Variants in MDGA2 observed in about 807,000 individuals in gnomAD.
MDGA2 encodes the protein MAM domain-containing glycosylphosphatidylinositol anchor protein 2.
A neutral mutation model predicts 117.8 loss-of-function variants in MDGA2; 40 were observed. The ratio of observed to expected loss-of-function variants is 0.34; its 90% CI spans 0.26 to 0.44. The LOEUF is 0.44. MDGA2 is among the 20% of genes least tolerant of loss of function. The probability of loss-of-function intolerance (pLI) is 1.00; values close to 1 mark genes in which losing one functional copy is unlikely to be tolerated. For missense variants in MDGA2, 1,123 were observed against 1,250.6 expected (o/e 0.90, Z 1.54); for synonymous variants, 452 against 439.0 (o/e 1.03, Z -0.37).
chr14:47,236,239 C>T (rs997082341), intron 2 of MDGA2, among the ~76,000 whole-genome samples: 1 of 143,280 alleles, frequency 7.0e-6, no homozygotes, highest in Non-Finnish European at 1.5e-5. Flanking sequence ...TGCAGTGAGC[C>T]GAGATTGGGC....
intron 3 of MDGA2, among the ~76,000 whole-genome samples, chr14:47,203,815 A>G (rs753764510): frequency 6.6e-5 from 10 of 152,010 alleles, no homozygotes; most frequent in Non-Finnish European, 1.2e-4. Flanking sequence ...AGATTAGGAT[A>G]TATAACCAGA....
chr14:47,045,828 G>A (rs1160400420), intron 7 of MDGA2, among the ~76,000 whole-genome samples: 1 of 152,004 alleles, frequency 6.6e-6, no homozygotes, highest in Non-Finnish European at 1.5e-5. Flanking sequence ...AGCCGGGCGT[G>A]GTGGCGGGCG....
chr14:46,958,337 G>A (rs1237754724), intron 8 of MDGA2, among the ~76,000 whole-genome samples: 1 of 152,128 alleles, frequency 6.6e-6, no homozygotes, highest in South Asian at 2.1e-4. Flanking sequence ...TAGCATAGCT[G>A]ATGCACAAAA....
intron 1 of MDGA2, among the ~76,000 whole-genome samples, chr14:47,510,263 T>C (rs1326356213): frequency 6.6e-6 from 1 of 152,078 alleles, no homozygotes; most frequent in Non-Finnish European, 1.5e-5. Flanking sequence ...AGAAACCATA[T>C]TAAAACCTTG....
At chr14:47,010,187 T>C (rs979838524) in intron 8 of MDGA2, among the ~76,000 whole-genome samples, 3 of 152,036 alleles carry the variant, frequency 2.0e-5, no homozygotes, top group Admixed American at 2.0e-4. Context: ...TGTGTAAGGA[T>C]AGAAATTAGA....
intron 8 of MDGA2, among the ~76,000 whole-genome samples, chr14:47,032,510 C>T (rs1404891803): frequency 6.6e-6 from 1 of 151,994 alleles, no homozygotes; most frequent in Non-Finnish European, 1.5e-5. Flanking sequence ...TTGGTTGAGC[C>T]CGATTTTACT....
At chr14:47,552,754 G>A (rs1895607356) in intron 1 of MDGA2, among the ~76,000 whole-genome samples, 1 of 152,024 alleles carries the variant, frequency 6.6e-6, no homozygotes. Context: ...CAAAGTAATA[G>A]TCAAATTTTT....
chr14:47,135,349 T>C (rs1882400791), intron 4 of MDGA2, among the ~76,000 whole-genome samples: 1 of 152,104 alleles, frequency 6.6e-6, no homozygotes, highest in Admixed American at 6.6e-5. Flanking sequence ...TGAGCACTAA[T>C]GTATAGATAA....
chr14:47,238,949 AT>A (rs976945556), intron 2 of MDGA2, among the ~76,000 whole-genome samples: 4 of 151,724 alleles, frequency 2.6e-5, no homozygotes, highest in African/African-American at 9.7e-5. Flanking sequence ...ATGGGAAGAA[AT>A]ATCTCAATTT....
intron 16 of MDGA2, among the ~76,000 whole-genome samples, chr14:46,844,467 G>A (rs1228944800): frequency 2.6e-5 from 4 of 152,036 alleles, no homozygotes; most frequent in African/African-American, 9.7e-5. Flanking sequence ...TGTAATCCCA[G>A]CTACTCAGGA....
At chr14:47,563,232 T>C (rs1380724697) in intron 1 of MDGA2, among the ~76,000 whole-genome samples, 1 of 152,152 alleles carries the variant, frequency 6.6e-6, no homozygotes, top group Admixed American at 6.5e-5. Context: ...GGTGGAGTGT[T>C]CTTTAGATGT....
chr14:47,088,012 A>G (rs1203524507), intron 6 of MDGA2, among the ~76,000 whole-genome samples: 1 of 152,070 alleles, frequency 6.6e-6, no homozygotes, highest in South Asian at 2.1e-4. Context: ...AGGAAAATTT[A>G]AATGTTTTAA....
intron 1 of MDGA2, among the ~76,000 whole-genome samples, chr14:47,647,867 A>T (rs965300722): frequency 6.6e-6 from 1 of 152,144 alleles, no homozygotes; most frequent in African/African-American, 2.4e-5. Flanking sequence ...ACTTATATAG[A>T]TCCATTTTTG....
intron 1 of MDGA2, among the ~76,000 whole-genome samples, chr14:47,531,020 C>A (rs1022372798): frequency 2.0e-5 from 3 of 152,014 alleles, no homozygotes; most frequent in Admixed American, 1.3e-4. Flanking sequence ...CCGAGGTGGG[C>A]GGATCACAAG....
At chr14:47,261,891 T>C (rs73251650) in intron 2 of MDGA2, among the ~76,000 whole-genome samples, 6,183 of 152,068 alleles carry the variant, frequency 0.041, 135 homozygotes, top group African/African-American at 0.051. Flanking sequence ...TTTTGCACAG[T>C]AAACAAGGAG....
At chr14:47,531,173 A>G (rs1419786936) in intron 1 of MDGA2, among the ~76,000 whole-genome samples, 1 of 152,176 alleles carries the variant, frequency 6.6e-6, no homozygotes, top group African/African-American at 2.4e-5. Flanking sequence ...TGAACCCAGG[A>G]GGCAGAGCTT....
intron 5 of MDGA2, among the ~76,000 whole-genome samples, chr14:47,104,177 G>A (rs1880504368): frequency 6.6e-6 from 1 of 152,198 alleles, no homozygotes; most frequent in Non-Finnish European, 1.5e-5. Context: ...GCAAAATATA[G>A]TAAGTGACAC....
chr14:47,138,443 T>C (rs565709047), intron 4 of MDGA2, among the ~76,000 whole-genome samples: 55 of 152,190 alleles, frequency 3.6e-4, no homozygotes, highest in Non-Finnish European at 6.8e-4. Flanking sequence ...TTTACAAAAG[T>C]TCTAGACTAA....
chr14:47,295,931 AAGATAGATAGAT>A lies in MDGA2; in HGVS notation c.420+5468_420+5479del, dbSNP rs34675658. ...AAATATACATATATAGATAGATGAT[AAGATAGATAGAT>A]AGATAGATAGATAGATAGATAGATA... is the stretch of plus-strand genomic sequence containing the variant. On this transcript the variant is annotated intron_variant, in intron 2 of 16. Transcript: ENST00000399232. 2.9e-3 allele frequency among the ~76,000 whole-genome samples: 388 copies of A among 132,538 alleles called. 1 individual carries two copies. Among genetic ancestry groups the A allele is most frequent in the East Asian group, 9.2e-3 (43 of 4,664 alleles). 87.0% of individuals were successfully genotyped at this position (132,538 alleles called of 152,430 possible).
Sources: allele counts gnomAD v4.1 joint callset (sites outside exome capture counted in the v4.1 genomes callset), GRCh38; gene constraint gnomAD v4.1.1; transcripts MANE v1.5; gene names NCBI Gene and HGNC (gene_info 2026-07-23, HGNC 2026-07-21).